Variants in KBTBD2 observed in about 807,000 individuals in gnomAD.
The protein encoded by KBTBD2 is kelch repeat and BTB domain containing 2.
Under a neutral mutation model 57.1 loss-of-function variants are expected in KBTBD2, and 17 were observed. That is an observed-to-expected ratio of 0.30 (90% CI 0.20 to 0.45). The LOEUF is 0.45. KBTBD2 is among the 20% of genes least tolerant of loss of function. KBTBD2 has a pLI of 1.00. For missense variants in KBTBD2, 515 were observed against 750.6 expected, an observed-to-expected ratio of 0.69 and a Z score of 3.67; for synonymous variants, 267 against 262.7, an observed-to-expected ratio of 1.02 and a Z score of -0.16.
At chr7:32,882,585 A>G (rs528430570) in intron 1 of KBTBD2, among the ~76,000 whole-genome samples, 1 of 152,350 alleles carries the variant, frequency 6.6e-6, no homozygotes, top group Admixed American at 6.5e-5. Flanking sequence ...AATCCAGGAT[A>G]CATTTTCTTC....
chr7:32,872,529 T>G (rs187029498), intron 3 of KBTBD2, among the ~76,000 whole-genome samples: 73 of 152,090 alleles, frequency 4.8e-4, no homozygotes, highest in Middle Eastern at 6.8e-3. Flanking sequence ...AATCAAATAA[T>G]TAGCCAAGTG....
chr7:32,879,362 A>C (rs1196215911), intron 2 of KBTBD2, 73 bp downstream of exon 2: 2 of 1,172,320 alleles, frequency 1.7e-6, no homozygotes, highest in Non-Finnish European at 2.4e-6. Context: ...AAAAACAAAA[A>C]TTGAGATGTG....
intron 1 of KBTBD2, among the ~76,000 whole-genome samples, chr7:32,885,204 T>G (rs1404163071): frequency 6.6e-6 from 1 of 151,714 alleles, no homozygotes; most frequent in African/African-American, 2.4e-5. Flanking sequence ...AAATATTTAG[T>G]CAGTGACTAA....
intron 3 of KBTBD2, among the ~76,000 whole-genome samples, chr7:32,872,357 G>C (rs1784200557): frequency 6.6e-6 from 1 of 152,160 alleles, no homozygotes; most frequent in Non-Finnish European, 1.5e-5. Flanking sequence ...GGGTAGAGTA[G>C]AACACTAACG....
chr7:32,877,714 C>A (rs575761526), intron 2 of KBTBD2, among the ~76,000 whole-genome samples: 2 of 152,270 alleles, frequency 1.3e-5, no homozygotes, highest in South Asian at 4.2e-4. Context: ...ACCCCAAACA[C>A]ATATTGAACT....
Position 32,870,895 on chromosome 7 carries a change from A to G in KBTBD2, c.337-15T>C, listed in dbSNP as rs548327756. The G allele has an allele frequency of 2.6e-5, 36 of 1,374,042 alleles. No individual in the cohort carries two copies. The Admixed American group carries it at 3.0e-4, about 12-fold the overall frequency. 85.1% of individuals were successfully genotyped at this position (1,374,042 alleles called of 1,614,324 possible). A position where few individuals can be genotyped will look rare whatever the true frequency, so the allele number is the denominator to read the frequency against. ...ACATCTTCTACCTAGAATGAGAAGG[A>G]AAAAAAAAACAGGCTGATAGGGCCA... On this transcript the variant is annotated splice_polypyrimidine_tract_variant and intron_variant, in intron 3 of 3. Coordinates refer to ENST00000304056, the MANE Select transcript of KBTBD2 (RefSeq NM_015483.3).
At chr7:32,884,152 C>T (rs1291385432) in intron 1 of KBTBD2, among the ~76,000 whole-genome samples, 1 of 152,156 alleles carries the variant, frequency 6.6e-6, no homozygotes, top group Non-Finnish European at 1.5e-5. Flanking sequence ...GAAGGAAAAA[C>T]TTATTGAAGA....
In KBTBD2 at chr7:32,879,453, G is replaced by A. The variant is rs767993274; in HGVS notation, c.152C>T (p.Thr51Ile). The change falls in exon 2 of 4, where the codon ACA becomes ATA. Residue 51 changes from threonine to isoleucine, a missense_variant. Transcript: ENST00000304056. The stretch of plus-strand genomic sequence containing the variant: ...TACTTACCTGAAATAAGAGCTACAT[G>A]TTGCAAGAACCATCTTATGACAAGG... ...EFPCHKMVLA[T>I]CSSYFRAMFM... The A allele has an allele frequency of 1.2e-6, 2 of 1,609,988 alleles. No individual in the cohort carries two copies. The highest frequency in any genetic ancestry group is 2.2e-5 in the East Asian group (1 of 44,764).
At chr7:32,889,109 C>A (rs964979636) in intron 1 of KBTBD2, among the ~76,000 whole-genome samples, 1 of 151,940 alleles carries the variant, frequency 6.6e-6, no homozygotes, top group Non-Finnish European at 1.5e-5. Context: ...GTCAGGAGAT[C>A]GAGACCATCC....
intron 1 of KBTBD2, among the ~76,000 whole-genome samples, chr7:32,882,699 T>A (rs930811692): frequency 1.3e-5 from 2 of 152,096 alleles, no homozygotes; most frequent in East Asian, 3.8e-4. Flanking sequence ...AAAATAAAAT[T>A]AAAGTCAGGA....
At chr7:32,885,947 C>T (rs1439612350) in intron 1 of KBTBD2, among the ~76,000 whole-genome samples, 1 of 147,460 alleles carries the variant, frequency 6.8e-6, no homozygotes, top group African/African-American at 2.5e-5. Context: ...CTCGCTCTGT[C>T]GCCCAGGCTG....
chr7:32,889,177 G>A (rs578056390), intron 1 of KBTBD2, among the ~76,000 whole-genome samples: 1 of 152,000 alleles, frequency 6.6e-6, no homozygotes, highest in African/African-American at 2.4e-5. Context: ...CCCAGCGTGG[G>A]CTACTCAGGA....
At chr7:32,880,761 T>C (rs1210776576) in intron 1 of KBTBD2, among the ~76,000 whole-genome samples, 1 of 152,112 alleles carries the variant, frequency 6.6e-6, no homozygotes, top group Non-Finnish European at 1.5e-5. Flanking sequence ...TTTATGAAAA[T>C]ATTAAATGTA....
intron 2 of KBTBD2, among the ~76,000 whole-genome samples, chr7:32,878,100 C>G (rs147509312): frequency 6.9e-6 from 1 of 144,976 alleles, no homozygotes; most frequent in Non-Finnish European, 1.5e-5. Context: ...TGACAGATTG[C>G]GACTGTCTTT....
At chr7:32,876,961 AAGGAACAAACAAAC>A (rs1336613805) in intron 2 of KBTBD2, among the ~76,000 whole-genome samples, 4 of 152,252 alleles carry the variant, frequency 2.6e-5, no homozygotes, top group Admixed American at 6.5e-5. Flanking sequence ...CCACCTCAAA[AAGGAACAAACAAAC>A]AGACAAACAA....
chr7:32,871,842 G>A (rs1004668216), intron 3 of KBTBD2, among the ~76,000 whole-genome samples: 1 of 111,118 alleles, frequency 9.0e-6, no homozygotes, highest in East Asian at 2.6e-4. Flanking sequence ...GGCTTCCAGG[G>A]CAACACAGTC....
chr7:32,871,328 T>G (rs539214079), intron 3 of KBTBD2, among the ~76,000 whole-genome samples: 34 of 152,248 alleles, frequency 2.2e-4, no homozygotes, highest in South Asian at 1.0e-3. Flanking sequence ...AACCAGAAAA[T>G]CATGCACAAT....
Position 32,869,723 on chromosome 7 carries a change from A to G in KBTBD2, c.1494T>C (p.Thr498=). 6.2e-7 allele frequency: 1 copy of G among 1,614,134 alleles called. No individual in the cohort carries two copies. Among genetic ancestry groups the G allele is most frequent in the South Asian group, 1.1e-5 (1 of 91,078 alleles). ...TTTTATTCACATCATAAATTTCCAC[A>G]GTTACTGAAGACCCATCTACAGTGC... The part of the protein sequence containing the change: ...PSGTVDGSSV[T]VEIYDVNKNE... Residue 498 remains threonine, a synonymous_variant, in exon 4 of 4, where the codon ACT becomes ACC. Coordinates refer to ENST00000304056, the MANE Select transcript of KBTBD2 (RefSeq NM_015483.3).
chr7:32,890,745 T>C (rs774703669), intron 1 of KBTBD2, among the ~76,000 whole-genome samples: 2 of 152,212 alleles, frequency 1.3e-5, no homozygotes, highest in Non-Finnish European at 2.9e-5. Flanking sequence ...ATTCTTTTCC[T>C]ATTTTCACTG....
Sources: allele counts gnomAD v4.1 joint callset (sites outside exome capture counted in the v4.1 genomes callset), GRCh38; gene constraint gnomAD v4.1.1; transcripts MANE v1.5; gene names NCBI Gene and HGNC (gene_info 2026-07-23, HGNC 2026-07-21).